PRKN: variants seen among roughly 807,000 people sequenced by gnomAD.
PRKN encodes parkin RBR E3 ubiquitin protein ligase.
In PRKN, 56 loss-of-function variants were observed where a neutral mutation model predicts 59.5. The observed-to-expected ratio is 0.94, with a 90% confidence interval of 0.76 to 1.18. The LOEUF (loss-of-function observed/expected upper bound fraction) is 1.18, where lower values mean the gene tolerates loss of function less well. Ranked by LOEUF, PRKN falls within the 50% of genes most tolerant of loss-of-function variation. The pLI is 0.00. For missense variants in PRKN, 657 were observed against 596.4 expected (o/e 1.10, Z -1.06); for synonymous variants, 250 against 222.1 (o/e 1.13, Z -1.12).
intron 1 of PRKN, among the ~76,000 whole-genome samples, chr6:162,446,572 ATAC>A (rs1251176860): frequency 3.9e-5 from 6 of 152,242 alleles, no homozygotes; most frequent in Non-Finnish European, 7.3e-5. Flanking sequence ...TAAATCATAA[ATAC>A]TACGGATATG....
intron 1 of PRKN, among the ~76,000 whole-genome samples, chr6:162,654,047 TA>T (rs1414580209): frequency 6.6e-6 from 1 of 152,196 alleles, no homozygotes; most frequent in African/African-American, 2.4e-5. Context: ...TATTTCACAT[TA>T]TTTGAGCCTA....
intron 5 of PRKN, among the ~76,000 whole-genome samples, chr6:162,038,909 C>T (rs978526498): frequency 3.9e-5 from 6 of 152,152 alleles, no homozygotes; most frequent in South Asian, 2.1e-4. Flanking sequence ...AATCCCAACA[C>T]TTTGGGAGGC....
intron 9 of PRKN, among the ~76,000 whole-genome samples, chr6:161,416,356 G>A (rs1011883117): frequency 6.6e-6 from 1 of 152,078 alleles, no homozygotes; most frequent in African/African-American, 2.4e-5. Flanking sequence ...CGAGGAGAGC[G>A]CACACACTGG....
intron 4 of PRKN, among the ~76,000 whole-genome samples, chr6:162,106,553 T>C (rs1210248600): frequency 1.3e-5 from 2 of 151,888 alleles, no homozygotes; most frequent in African/African-American, 4.8e-5. Flanking sequence ...TTGAATCATC[T>C]GTTTCTCTTA....
chr6:162,074,209 T>G (rs1165479827), intron 4 of PRKN, among the ~76,000 whole-genome samples: 5 of 136,214 alleles, frequency 3.7e-5, no homozygotes, highest in African/African-American at 5.7e-5. Flanking sequence ...TTATTCACAA[T>G]AGCAAAGACT....
intron 4 of PRKN, among the ~76,000 whole-genome samples, chr6:162,126,554 A>T (rs1475063894): frequency 1.3e-5 from 2 of 152,196 alleles, no homozygotes; most frequent in Non-Finnish European, 2.9e-5. Context: ...CTCATTGACA[A>T]ATTAAATAAA....
At chr6:162,124,885 G>A (rs1781059863) in intron 4 of PRKN, among the ~76,000 whole-genome samples, 1 of 152,180 alleles carries the variant, frequency 6.6e-6, no homozygotes, top group Admixed American at 6.5e-5. Flanking sequence ...ATTAATCAGG[G>A]TTAGTCATGG....
In PRKN at chr6:161,361,842, G is replaced by C. The variant is rs2114864266; in HGVS notation, c.1168-1637C>G. 6.6e-6 allele frequency among the ~76,000 whole-genome samples: 1 copy of C among 152,322 alleles called. No individual in the cohort carries two copies. Among genetic ancestry groups the C allele is most frequent in the Non-Finnish European group, 1.5e-5 (1 of 68,030 alleles). On this transcript the variant is annotated intron_variant, in intron 10 of 11. Transcript: ENST00000366898. The surrounding 1 kb of genome is among the most constrained non-coding windows in gnomAD (Gnocchi z 5.2). ...TCCACTCACGGCAGAGGCCCAGTGA[G>C]GGCGCTGTGGTTAGTGAGGGCCATT...
At chr6:162,216,327 G>A (rs915420343) in intron 3 of PRKN, among the ~76,000 whole-genome samples, 9 of 151,368 alleles carry the variant, frequency 5.9e-5, no homozygotes, top group South Asian at 2.1e-4. Context: ...TCAGGAGATC[G>A]AGATCATCCT....
intron 9 of PRKN, among the ~76,000 whole-genome samples, chr6:161,523,070 T>TA (rs1294511393): frequency 1.8e-4 from 27 of 151,834 alleles, no homozygotes; most frequent in South Asian, 1.5e-3. Context: ...TCTTGCTTTT[T>TA]AAAAAAAAAC....
At chr6:162,698,572 G>C (rs1778047599) in intron 1 of PRKN, among the ~76,000 whole-genome samples, 1 of 152,168 alleles carries the variant, frequency 6.6e-6, no homozygotes, top group Non-Finnish European at 1.5e-5. Context: ...TGGCTGGAGA[G>C]ACTGCAAGTT....
At chr6:161,476,995 G>A (rs1050109858) in intron 9 of PRKN, among the ~76,000 whole-genome samples, 9 of 152,354 alleles carry the variant, frequency 5.9e-5, no homozygotes, top group African/African-American at 2.2e-4. Context: ...GGCAGGCACG[G>A]AAGTGCGCAT....
chr6:162,710,470 C>T (rs1778496461), intron 1 of PRKN, among the ~76,000 whole-genome samples: 1 of 151,386 alleles, frequency 6.6e-6, no homozygotes, highest in Non-Finnish European at 1.5e-5. Flanking sequence ...TCCAAGTTCC[C>T]ATTCTTCCTG....
chr6:161,690,921 C>A (rs945426675), intron 7 of PRKN, among the ~76,000 whole-genome samples: 2 of 152,140 alleles, frequency 1.3e-5, no homozygotes, highest in Non-Finnish European at 2.9e-5. Flanking sequence ...TAATAAATTT[C>A]TATTAATCTA....
rs1787505907 is a variant in PRKN, at chr6:161,410,835, T to C, written c.1084-23958A>G. ...GCAGAACGTTGAATCCTCAGAATGATATGGGATTCCTTAAAACCAAGCAAA... is the reference window on the plus strand; with the variant it reads ...GCAGAACGTTGAATCCTCAGAATGACATGGGATTCCTTAAAACCAAGCAAA... On this transcript the variant is annotated intron_variant, in intron 9 of 11. Transcript: ENST00000366898. The surrounding 1 kb of genome is among the most constrained non-coding windows in gnomAD (Gnocchi z 5.3). 6.6e-6 allele frequency among the ~76,000 whole-genome samples: 1 copy of C among 152,006 alleles called. No homozygotes were observed. Among genetic ancestry groups the C allele is most frequent in the Non-Finnish European group, 1.5e-5 (1 of 68,014 alleles).
chr6:162,265,250 A>C (rs1780076626), intron 2 of PRKN: 2 of 152,142 alleles, frequency 1.3e-5, no homozygotes, highest in Non-Finnish European at 1.5e-5. Context: ...AAAATCATGC[A>C]CGCCTGTACA....
intron 1 of PRKN, among the ~76,000 whole-genome samples, chr6:162,494,495 G>A (rs999063616): frequency 6.6e-5 from 10 of 152,168 alleles, no homozygotes; most frequent in Admixed American, 5.2e-4. Flanking sequence ...TGGACTTCAA[G>A]CTCCAGCATC....
chr6:161,956,443 G>C (rs1277053403), intron 6 of PRKN, among the ~76,000 whole-genome samples: 1 of 152,172 alleles, frequency 6.6e-6, no homozygotes, highest in Non-Finnish European at 1.5e-5. Context: ...GCCAGTCTCA[G>C]TGCAAAATCA....
intron 2 of PRKN, among the ~76,000 whole-genome samples, chr6:162,407,180 C>T (rs970660734): frequency 6.6e-6 from 1 of 152,112 alleles, no homozygotes; most frequent in Admixed American, 6.5e-5. Context: ...ATACTTTTAT[C>T]TAATACAAAG....
Sources: gnomAD v4.1 joint callset for allele counts (sites outside exome capture counted in the v4.1 genomes callset) on GRCh38, gnomAD v4.1.1 for gene constraint, Gnocchi (gnomAD v3.1) non-coding constraint, MANE v1.5 for transcripts, NCBI Gene and HGNC (gene_info 2026-07-23, HGNC 2026-07-21) for gene names.